ABAT: variants seen among roughly 807,000 people sequenced by gnomAD.
ABAT encodes the protein 4-aminobutyrate aminotransferase, also known as 4-aminobutyrate aminotransferase, mitochondrial.
ABAT carries 45 observed loss-of-function variants against 64.6 expected under a neutral mutation model. The observed-to-expected ratio is 0.70, with a 90% CI of 0.55 to 0.89. The LOEUF (loss-of-function observed/expected upper bound fraction) is 0.89, where lower values mean the gene tolerates loss of function less well. Ranked by LOEUF, ABAT falls within the 40% of genes least tolerant of loss-of-function variation. The pLI, the probability that ABAT is intolerant of heterozygous loss-of-function variation, is 0.00. For missense variants in ABAT, 633 were observed against 658.4 expected (o/e 0.96, Z 0.42); for synonymous variants, 297 against 250.5 (o/e 1.19, Z -1.75).
chr16:8,686,534 T>G (rs2057460396), intron 1 of ABAT, among the ~76,000 whole-genome samples: 1 of 152,160 alleles, frequency 6.6e-6, no homozygotes, highest in Non-Finnish European at 1.5e-5. Context: ...TGTGTATTTG[T>G]GTGTAGTTGC....
chr16:8,780,556 G>A (rs886135230), intron 15 of ABAT: 1 of 156,190 alleles, frequency 6.4e-6, no homozygotes, highest in East Asian at 1.9e-4. Context: ...GAAGTCAGGA[G>A]TTCGAGACCA....
chr16:8,770,157 A>T (rs1164615711), intron 11 of ABAT, among the ~76,000 whole-genome samples: 1 of 152,142 alleles, frequency 6.6e-6, no homozygotes, highest in Admixed American at 6.5e-5. Flanking sequence ...TTTGTTTTTG[A>T]GATGGAGTCT....
intron 1 of ABAT, among the ~76,000 whole-genome samples, chr16:8,725,185 C>G (rs1731075): frequency 0.77 from 117,839 of 152,188 alleles, 45,988 homozygotes; most frequent in Non-Finnish European, 0.84. Context: ...CAAAGTGCTA[C>G]GATTATAGGC....
rs757078949 is a variant in ABAT at position 8,776,548 on chromosome 16, G to C, written c.1269+58G>C. 7.7e-5 allele frequency: 112 copies of C among 1,447,002 alleles called. No individual in the cohort carries two copies. The highest frequency in any genetic ancestry group is 1.0e-4 in the Non-Finnish European group (109 of 1,072,788). The allele number at this position is 1,447,002 out of a possible 1,614,324, so 89.6% of individuals were successfully genotyped here. A position where few individuals can be genotyped will look rare whatever the true frequency, so the allele number is the denominator to read the frequency against. ...CCCATGGCTCCCCGCAGCAGCCTCC[G>C]GGGCAACACTGGAGCTCTTCGGCAT... On this transcript the variant is annotated intron_variant, in intron 14 of 15. Transcript: ENST00000268251. The surrounding 1 kb of genome is among the most constrained non-coding windows in gnomAD (Gnocchi z 4.4).
At chr16:8,703,741 T>C (rs1396973169) in intron 1 of ABAT, among the ~76,000 whole-genome samples, 1 of 152,134 alleles carries the variant, frequency 6.6e-6, no homozygotes, top group African/African-American at 2.4e-5. Flanking sequence ...AGGAAAGACC[T>C]ATAGTTTGAA....
intron 3 of ABAT, among the ~76,000 whole-genome samples, chr16:8,747,295 C>T (rs1333436582): frequency 6.6e-6 from 1 of 152,162 alleles, no homozygotes; most frequent in East Asian, 1.9e-4. Context: ...GCACATTTTG[C>T]ATATTTTGTC....
chr16:8,685,375 T>C (rs951031741), intron 1 of ABAT, among the ~76,000 whole-genome samples: 2 of 150,690 alleles, frequency 1.3e-5, no homozygotes, highest in Non-Finnish European at 3.0e-5. Flanking sequence ...TCTTTTTCTA[T>C]AAAAACAATG....
intron 1 of ABAT, among the ~76,000 whole-genome samples, chr16:8,734,318 G>A (rs1382987629): frequency 6.6e-6 from 1 of 152,116 alleles, no homozygotes; most frequent in Non-Finnish European, 1.5e-5. Flanking sequence ...GTAAGCTCCA[G>A]GCCTGCCTCA....
At chr16:8,752,630 G>A (rs1292445048) in intron 5 of ABAT, among the ~76,000 whole-genome samples, 2 of 152,146 alleles carry the variant, frequency 1.3e-5, no homozygotes, top group Non-Finnish European at 2.9e-5. Context: ...AGCTAGTCAT[G>A]CTGGTGCATG....
At chr16:8,750,081 T>C (rs1028514145) in intron 4 of ABAT, among the ~76,000 whole-genome samples, 9 of 152,256 alleles carry the variant, frequency 5.9e-5, no homozygotes, top group African/African-American at 2.2e-4. Context: ...ATTTCTTTAA[T>C]GATTACTACA....
chr16:8,772,058 C>G (rs1258793093), intron 11 of ABAT, among the ~76,000 whole-genome samples: 1 of 152,200 alleles, frequency 6.6e-6, no homozygotes, highest in East Asian at 1.9e-4. Context: ...AGCCACCACA[C>G]CTGGCCCTTA....
intron 1 of ABAT, among the ~76,000 whole-genome samples, chr16:8,716,325 A>G (rs78131810): frequency 0.012 from 1,779 of 152,252 alleles, 33 homozygotes; most frequent in African/African-American, 0.041. Context: ...GATAATTATA[A>G]TATCAGAAGG....
In ABAT at chr16:8,784,307, T is replaced by A. The variant is rs747049622; in HGVS notation, c.*2877T>A. ...AATTTTTACTGACGCTCAGTAACCA[T>A]GCAAAATTGTGTATAGCATTAATGT... is the stretch of plus-strand genomic sequence containing the variant. On this transcript the variant is annotated 3_prime_UTR_variant, in exon 16 of 16. Transcript: ENST00000268251. The A allele has an allele frequency of 2.0e-5, 3 of 152,660 alleles. No homozygotes were observed. The highest frequency in any genetic ancestry group is 4.4e-5 in the Non-Finnish European group (3 of 68,032). The allele number at this position is 152,660 out of a possible 1,614,324, so 9.5% of individuals were successfully genotyped here. A position where few individuals can be genotyped will look rare whatever the true frequency, so the allele number is the denominator to read the frequency against.
At chr16:8,763,104 CAAAAAA>C (rs60199249) in intron 6 of ABAT, among the ~76,000 whole-genome samples, 3 of 117,576 alleles carry the variant, frequency 2.6e-5, no homozygotes, top group Non-Finnish European at 3.5e-5. Flanking sequence ...GACCCTGTAA[CAAAAAA>C]AAAAAAAAAA....
At chr16:8,779,669 T>C in intron 15 of ABAT, 79 bp downstream of exon 15, 4 of 1,200,754 alleles carry the variant, frequency 3.3e-6, no homozygotes, top group Non-Finnish European at 4.9e-6. Context: ...TGCTAGGTAC[T>C]CAGCAATATT....
At position 8,764,829 on chromosome 16, in the gene ABAT, G is replaced by A. The variant is rs776431473; in HGVS notation, c.539G>A (p.Arg180Gln). The change falls in exon 8 of 16, where the codon CGG (arginine) becomes CAG (glutamine). Residue 180 changes from arginine to glutamine, a missense_variant and splice_region_variant. By Grantham distance (43) the Arg-to-Gln change is conservative. Coordinates refer to ENST00000268251, the MANE Select transcript of ABAT (RefSeq NM_020686.6). The surrounding 1 kb of genome is among the most constrained non-coding windows in gnomAD (Gnocchi z 4.2). ...NALKTIFMWY[R>Q]SKERGQRGFS... ...TTAAAGACCATCTTCATGTGGTACC[G>A]GGTGAGGTTTGGGGCACACACACAC... 5.6e-6 allele frequency: 9 copies of A among 1,611,502 alleles called. No individual in the cohort carries two copies. Among genetic ancestry groups the A allele is most frequent in the Non-Finnish European group, 7.6e-6 (9 of 1,179,324 alleles).
At chr16:8,744,002 CT>C (rs2059258399) in intron 2 of ABAT, among the ~76,000 whole-genome samples, 1 of 152,116 alleles carries the variant, frequency 6.6e-6, no homozygotes, top group East Asian at 1.9e-4. Flanking sequence ...TTGAGCTACC[CT>C]TTGTGTTTCA....
intron 5 of ABAT, among the ~76,000 whole-genome samples, chr16:8,754,973 C>T (rs1231918511): frequency 6.6e-6 from 1 of 152,064 alleles, no homozygotes; most frequent in Non-Finnish European, 1.5e-5. Flanking sequence ...CCTGCCTCGG[C>T]CTCCCAAGTG....
chr16:8,693,530 A>G (rs1273365), intron 1 of ABAT, among the ~76,000 whole-genome samples: 66,358 of 151,972 alleles, frequency 0.44, 14,853 homozygotes, highest in East Asian at 0.65. Context: ...GTGCAGTGGC[A>G]CGATCTCAGC....
Sources: allele counts gnomAD v4.1 joint callset (sites outside exome capture counted in the v4.1 genomes callset), GRCh38; gene constraint gnomAD v4.1.1; non-coding constraint Gnocchi (gnomAD v3.1); transcripts MANE v1.5; gene names NCBI Gene and HGNC (gene_info 2026-07-23, HGNC 2026-07-21).